Variants in SLC6A6 observed in about 807,000 individuals in gnomAD.
SLC6A6 encodes sodium- and chloride-dependent taurine transporter.
A neutral mutation model predicts 68.8 loss-of-function variants in SLC6A6; 16 were observed. The observed-to-expected ratio is 0.23, with a 90% CI of 0.16 to 0.35. The LOEUF is 0.35. SLC6A6 is among the 10% of genes least tolerant of loss of function. SLC6A6 has a pLI of 1.00. For synonymous variants in SLC6A6, 312 were observed against 315.4 expected (o/e 0.99, Z 0.12); for missense variants, 474 against 802.8 (o/e 0.59, Z 4.95).
At position 14,458,200 on chromosome 3, in the gene SLC6A6, T is replaced by A. The variant is rs148271184; in HGVS notation, c.732+118T>A. 2.0e-5 allele frequency: 18 copies of A among 919,450 alleles called. No individual in the cohort carries two copies. The African/African-American group carries it at 2.1e-4, about 11-fold the overall frequency. The allele number at this position is 919,450 out of a possible 1,614,324, so 57.0% of individuals were successfully genotyped here. On this transcript the variant is annotated intron_variant, in intron 6 of 14. Transcript: ENST00000622186. The stretch of plus-strand genomic sequence containing the variant: ...AAGAGGGAGGTGGCCAGTGGTGGCG[T>A]GCTGGTAAGCCCGCCCTCTGGAAAA...
intron 2 of SLC6A6, among the ~76,000 whole-genome samples, chr3:14,435,494 A>G (rs1331255212): frequency 6.6e-6 from 1 of 152,222 alleles, no homozygotes; most frequent in African/African-American, 2.4e-5. Context: ...GATTTCCTCA[A>G]CAGAATTCAC....
intron 6 of SLC6A6, among the ~76,000 whole-genome samples, chr3:14,463,987 C>T (rs1022198052): frequency 1.3e-5 from 2 of 152,166 alleles, no homozygotes; most frequent in African/African-American, 4.8e-5. Context: ...GCCCAGGTCA[C>T]CAGCAAGGGG....
chr3:14,428,514 C>T (rs1225791996), intron 2 of SLC6A6, among the ~76,000 whole-genome samples: 1 of 152,234 alleles, frequency 6.6e-6, no homozygotes, highest in Non-Finnish European at 1.5e-5. Context: ...TCTCAACAGC[C>T]TCACAACTTA....
chr3:14,473,001 GCACTTC>G (rs1229771167), intron 10 of SLC6A6, among the ~76,000 whole-genome samples: 1 of 152,176 alleles, frequency 6.6e-6, no homozygotes, highest in Non-Finnish European at 1.5e-5. Context: ...GTTCTTTCCT[GCACTTC>G]TAAACCCCGT....
intron 2 of SLC6A6, among the ~76,000 whole-genome samples, chr3:14,437,764 C>T (rs1263948214): frequency 6.6e-6 from 1 of 151,730 alleles, no homozygotes; most frequent in Non-Finnish European, 1.5e-5. Flanking sequence ...ACCAGCAATT[C>T]CCCAATACCT....
Position 14,488,697 on chromosome 3 carries a change from A to G in SLC6A6, c.*3690A>G, listed in dbSNP as rs1701245092. 6.6e-6 allele frequency: 1 copy of G among 152,446 alleles called. No homozygotes were observed. Among genetic ancestry groups the G allele is most frequent in the Non-Finnish European group, 1.5e-5 (1 of 68,052 alleles). The allele number at this position is 152,446 out of a possible 1,614,324, so 9.4% of individuals were successfully genotyped here. ...CCACAAGACTAAACAAAACAAACCCAGAGAGCCAAACTTGTAGAGGTGGGC... is the reference window on the plus strand; with the variant it reads ...CCACAAGACTAAACAAAACAAACCCGGAGAGCCAAACTTGTAGAGGTGGGC... On this transcript the variant is annotated 3_prime_UTR_variant, in exon 15 of 15. Coordinates refer to ENST00000622186, the MANE Select transcript of SLC6A6 (RefSeq NM_003043.6).
At chr3:14,430,549 C>T (rs1421643102) in intron 2 of SLC6A6, among the ~76,000 whole-genome samples, 1 of 152,234 alleles carries the variant, frequency 6.6e-6, no homozygotes, top group African/African-American at 2.4e-5. Context: ...TGCATCCTAG[C>T]CCCACCCGAG....
chr3:14,462,391 G>A (rs1274204177), intron 6 of SLC6A6, among the ~76,000 whole-genome samples: 2 of 152,146 alleles, frequency 1.3e-5, no homozygotes, highest in Admixed American at 6.5e-5. Flanking sequence ...AGAGAGTTTT[G>A]AGAACCTCAG....
In SLC6A6 at chr3:14,477,059, G is replaced by A; in HGVS notation, c.1210-146G>A. 1.4e-6 allele frequency: 1 copy of A among 711,662 alleles called. No individual in the cohort carries two copies. Among genetic ancestry groups the A allele is most frequent in the South Asian group, 1.8e-5 (1 of 55,152 alleles). The allele number at this position is 711,662 out of a possible 1,614,324, so 44.1% of individuals were successfully genotyped here. A position where few individuals can be genotyped will look rare whatever the true frequency, so the allele number is the denominator to read the frequency against. On this transcript the variant is annotated intron_variant, in intron 10 of 14. Transcript: ENST00000622186. This position sits in a 1 kb window ranked among gnomAD's most constrained non-coding sequence, Gnocchi z 4.2. ...TCAGGGAGGCCAGGCTTCCACACTT[G>A]GACTTGATCTCACAGGCCAATTCTG...
intron 10 of SLC6A6, among the ~76,000 whole-genome samples, chr3:14,474,008 G>A (rs951347346): frequency 3.3e-5 from 5 of 152,208 alleles, no homozygotes; most frequent in African/African-American, 1.2e-4. Context: ...CCCCGTGTCA[G>A]TGGCACACGG....
intron 5 of SLC6A6, among the ~76,000 whole-genome samples, chr3:14,452,585 A>C (rs761919894): frequency 1.3e-5 from 2 of 152,100 alleles, no homozygotes; most frequent in Non-Finnish European, 2.9e-5. Flanking sequence ...ATTGTGCCAC[A>C]TGTGTGTCTC....
chr3:14,471,476 T>C (rs1005696565), intron 9 of SLC6A6, among the ~76,000 whole-genome samples: 1 of 152,210 alleles, frequency 6.6e-6, no homozygotes, highest in African/African-American at 2.4e-5. Flanking sequence ...CCCTCACTTT[T>C]CAGGTGGGGA....
At position 14,416,453 on chromosome 3, in the gene SLC6A6, C is replaced by G. The variant is rs768695369; in HGVS notation, c.-12C>G. On this transcript the variant is annotated splice_region_variant and 5_prime_UTR_variant, in exon 2 of 15. Coordinates refer to ENST00000622186, the MANE Select transcript of SLC6A6 (RefSeq NM_003043.6). ...ACAGCCCTTCTGAGGAGCTCCCAAACGTAAGTGACCTTGGACCTCCAGGTG... is the reference window on the plus strand; with the variant it reads ...ACAGCCCTTCTGAGGAGCTCCCAAAGGTAAGTGACCTTGGACCTCCAGGTG... The G allele has an allele frequency of 5.0e-6, 2 of 398,590 alleles. No homozygotes were observed. Among genetic ancestry groups the G allele is most frequent in the Non-Finnish European group, 8.8e-6 (2 of 226,108 alleles). 24.7% of individuals were successfully genotyped at this position (398,590 alleles called of 1,614,324 possible).
At chr3:14,431,844 A>G (rs1013859633) in intron 2 of SLC6A6, among the ~76,000 whole-genome samples, 4 of 152,130 alleles carry the variant, frequency 2.6e-5, no homozygotes, top group African/African-American at 7.2e-5. Flanking sequence ...CGTCAGGGGG[A>G]AAAACATGTT....
intron 6 of SLC6A6, among the ~76,000 whole-genome samples, chr3:14,465,994 G>T (rs984346171): frequency 1.3e-5 from 2 of 152,174 alleles, no homozygotes; most frequent in African/African-American, 2.4e-5. Flanking sequence ...TGGCGCTGTG[G>T]CTCATGCCTA....
At position 14,430,299 on chromosome 3, in the gene SLC6A6, G is replaced by A. The variant is rs538252402; in HGVS notation, c.-11-13325G>A. Reference sequence around the variant, plus strand: ...TTTGGGGTTTGCTAGAAACAAACCCGGCTAAGCACGTGGGAGCAGAGGTCA... The same window carrying A: ...TTTGGGGTTTGCTAGAAACAAACCCAGCTAAGCACGTGGGAGCAGAGGTCA... On this transcript the variant is annotated intron_variant, in intron 2 of 14. Transcript: ENST00000622186. Among the ~76,000 whole-genome samples, 30 of 152,232 alleles carry A rather than the reference G, an allele frequency of 2.0e-4. 1 individual carries two copies. In the South Asian group the frequency reaches 6.0e-3, roughly 30 times the overall value.
intron 2 of SLC6A6, among the ~76,000 whole-genome samples, chr3:14,421,177 A>G (rs61453647): frequency 8.8e-4 from 134 of 152,326 alleles, no homozygotes; most frequent in African/African-American, 2.6e-3. Context: ...AAAACAATTC[A>G]TCCCAGAGAA....
intron 6 of SLC6A6, among the ~76,000 whole-genome samples, chr3:14,463,683 C>G (rs545304224): frequency 3.5e-4 from 53 of 152,348 alleles, no homozygotes; most frequent in African/African-American, 1.1e-3. Flanking sequence ...TTCTTTCCCC[C>G]CTTCTGTGGC....
intron 2 of SLC6A6, among the ~76,000 whole-genome samples, chr3:14,433,630 C>G (rs138699143): frequency 0.014 from 2,160 of 151,940 alleles, 52 homozygotes; most frequent in African/African-American, 0.05. Context: ...GGTGAAACCC[C>G]ATCTCTACTA....
Sources: gnomAD v4.1 joint callset for allele counts (sites outside exome capture counted in the v4.1 genomes callset) on GRCh38, gnomAD v4.1.1 for gene constraint, Gnocchi (gnomAD v3.1) non-coding constraint, MANE v1.5 for transcripts, NCBI Gene and HGNC (gene_info 2026-07-23, HGNC 2026-07-21) for gene names.